MAN2B2: variants seen among roughly 807,000 people sequenced by gnomAD.
MAN2B2 encodes epididymis-specific alpha-mannosidase.
A neutral mutation model predicts 117.1 loss-of-function variants in MAN2B2; 106 were observed. That is an observed-to-expected ratio of 0.90 (90% CI 0.77 to 1.06). The LOEUF is 1.06. Ranked by LOEUF, MAN2B2 falls within the 50% of genes least tolerant of loss-of-function variation. The pLI is 0.00. For missense variants in MAN2B2, 1,326 were observed against 1,381.4 expected (o/e 0.96, Z 0.64); for synonymous variants, 544 against 595.1 (o/e 0.91, Z 1.25).
rs1249727688 is a variant in MAN2B2 at position 6,575,259 on chromosome 4, C to A, written c.49C>A (p.Arg17=). The stretch of plus-strand genomic sequence containing the variant: ...GCTGCTGGCACCGCTCCTGTTGCTG[C>A]GACCGCCAGGGGTCCAGTCCGCCGG... ...LPLLAPLLLL[R]PPGVQSAGPI... Residue 17 remains arginine, a synonymous_variant, in exon 1 of 19, where the codon CGA becomes AGA. Coordinates refer to ENST00000285599, the MANE Select transcript of MAN2B2 (RefSeq NM_015274.3). The A allele has an allele frequency of 2.6e-6, 4 of 1,548,494 alleles. No individual in the cohort carries two copies. Among genetic ancestry groups the A allele is most frequent in the Non-Finnish European group, 3.5e-6 (4 of 1,152,638 alleles).
At chr4:6,593,753 C>T (rs114353106) in intron 6 of MAN2B2, among the ~76,000 whole-genome samples, 2 of 152,242 alleles carry the variant, frequency 1.3e-5, no homozygotes, top group African/African-American at 4.8e-5. Flanking sequence ...TCGTGGCCAT[C>T]GTCACAGCTA....
intron 3 of MAN2B2, among the ~76,000 whole-genome samples, chr4:6,586,492 C>A (rs1726637283): frequency 1.3e-5 from 2 of 152,178 alleles, no homozygotes; most frequent in Admixed American, 1.3e-4. Context: ...AAATCCTCAC[C>A]CCTGCACGTG....
chr4:6,586,944 G>C, intron 3 of MAN2B2, 52 bp from the exon 4 acceptor site: 1 of 1,566,488 alleles, frequency 6.4e-7, no homozygotes, highest in Non-Finnish European at 8.7e-7. Flanking sequence ...GATGGGGCCG[G>C]GAGGCACAGG....
At chr4:6,589,234 T>G in intron 5 of MAN2B2, 74 bp downstream of exon 5, 1 of 1,154,512 alleles carries the variant, frequency 8.7e-7, no homozygotes, top group Non-Finnish European at 1.3e-6. Context: ...TGTTCTGCAG[T>G]TTTGTTTTTG....
chr4:6,579,571 A>G (rs1726347907), intron 3 of MAN2B2, among the ~76,000 whole-genome samples: 1 of 149,350 alleles, frequency 6.7e-6, no homozygotes, highest in South Asian at 2.1e-4. Context: ...CATTACTACC[A>G]CTACCATCAC....
rs1396738213 is a variant in MAN2B2 at position 6,598,312 on chromosome 4, C to G, written c.1363C>G (p.Leu455Val). ...GCGCAAGCTGATGGCCTCCATCGTCCTAGATGAGCTCCAGCCCCAGGCACC... is the reference window on the plus strand; with the variant it reads ...GCGCAAGCTGATGGCCTCCATCGTCGTAGATGAGCTCCAGCCCCAGGCACC... ...GMRKLMASIV[L>V]DELQPQAPMA... The change falls in exon 9 of 19, where the codon CTA becomes GTA. Residue 455 changes from leucine (L) to valine (V), a missense_variant. By Grantham distance (32) the Leu-to-Val change is conservative. Transcript: ENST00000285599. 4 of 1,613,356 alleles carry G rather than the reference C, an allele frequency of 2.5e-6. No individual in the cohort carries two copies. Among genetic ancestry groups the G allele is most frequent in the Non-Finnish European group, 3.4e-6 (4 of 1,180,012 alleles).
chr4:6,585,154 G>A (rs1363534042), intron 3 of MAN2B2, among the ~76,000 whole-genome samples: 2 of 151,908 alleles, frequency 1.3e-5, no homozygotes, highest in South Asian at 4.2e-4. Flanking sequence ...CCTCTGCTGT[G>A]CACCTGATGC....
chr4:6,611,219 G>C lies in MAN2B2; in HGVS notation c.2504G>C (p.Arg835Pro), dbSNP rs149381083. Residue 835 changes from arginine (R) to proline (P), a missense_variant, in exon 15 of 19, where the codon CGC (arginine) becomes CCC (proline). Arg to Pro is a moderately radical substitution (Grantham distance 103). Coordinates refer to ENST00000285599, the MANE Select transcript of MAN2B2 (RefSeq NM_015274.3). ...TCCTGGTCCCTCACCACTGCCCTGCGCCAGAGGAGCGCACTGGCGCTGCAG... is the reference window on the plus strand; with the variant it reads ...TCCTGGTCCCTCACCACTGCCCTGCCCCAGAGGAGCGCACTGGCGCTGCAG... ...LGSWSLTTAL[R>P]QRSALALQHR... The C allele has an allele frequency of 3.1e-6, 5 of 1,613,682 alleles. No individual in the cohort carries two copies. The Admixed American group carries it at 8.3e-5, about 27-fold the overall frequency.
chr4:6,589,215 C>T, intron 5 of MAN2B2, 55 bp downstream of exon 5: 1 of 1,334,806 alleles, frequency 7.5e-7, no homozygotes, highest in South Asian at 1.2e-5. Context: ...TCTGCCCAGC[C>T]CCTGCAGCTG....
chr4:6,611,390 GA>G, intron 15 of MAN2B2, 112 bp downstream of exon 15: 1 of 1,138,586 alleles, frequency 8.8e-7, no homozygotes, highest in East Asian at 2.6e-5. Flanking sequence ...TTTTGGGCAG[GA>G]AGCGACCTCA....
Position 6,598,301 on chromosome 4 carries a change from C to T in MAN2B2, c.1352C>T (p.Ala451Val). ...ATGCTGGGCATGCGCAAGCTGATGG[C>T]CTCCATCGTCCTAGATGAGCTCCAG... ...SGMLGMRKLM[A>V]SIVLDELQPQ... Residue 451 changes from alanine to valine, a missense_variant, in exon 9 of 19, where the codon GCC becomes GTC. Transcript: ENST00000285599. 5 of 1,613,552 alleles carry T rather than the reference C, an allele frequency of 3.1e-6. No homozygotes were observed. Among genetic ancestry groups the T allele is most frequent in the Non-Finnish European group, 4.2e-6 (5 of 1,180,022 alleles).
At chr4:6,610,404 G>A (rs139213588) in intron 13 of MAN2B2, among the ~76,000 whole-genome samples, 102 of 152,222 alleles carry the variant, frequency 6.7e-4, no homozygotes, top group African/African-American at 2.3e-3. Flanking sequence ...TGATCCACCC[G>A]CCTCAGCCTC....
intron 17 of MAN2B2, chr4:6,618,950 C>G (rs1327412261): frequency 6.6e-6 from 1 of 152,222 alleles, no homozygotes; most frequent in Non-Finnish European, 1.5e-5. Context: ...GTGCCCAGCA[C>G]AGGGCCAGCC....
intron 16 of MAN2B2, among the ~76,000 whole-genome samples, 172 bp downstream of exon 16, chr4:6,614,527 A>G (rs1049874362): frequency 6.6e-6 from 1 of 152,146 alleles, no homozygotes; most frequent in African/African-American, 2.4e-5. Context: ...GTCAGTGATC[A>G]GTCACTTGGC....
chr4:6,579,340 CCAT>C lies in MAN2B2; in HGVS notation c.391+845_391+847del, dbSNP rs1372526894. ...ACCATCACCACCACCACCACCACCA[CCAT>C]CACCATCACCACCACCATCACCATC... On this transcript the variant is annotated intron_variant, in intron 3 of 18. Coordinates refer to ENST00000285599, the MANE Select transcript of MAN2B2 (RefSeq NM_015274.3). 2.0e-3 allele frequency among the ~76,000 whole-genome samples: 164 copies of C among 80,582 alleles called. 5 individuals are homozygous for C. Among genetic ancestry groups the C allele is most frequent in the African/African-American group, 6.6e-3 (145 of 21,958 alleles). 52.9% of individuals were successfully genotyped at this position (80,582 alleles called of 152,430 possible).
At position 6,617,439 on chromosome 4, in the gene MAN2B2, T is replaced by G. The variant is rs756253293; in HGVS notation, c.2761T>G (p.Tyr921Asp). ...RRVLLRLYHL[Y>D]EVGEDPVLSQ... The stretch of plus-strand genomic sequence containing the variant: ...TGTCCTGCTGCGGCTCTACCACCTA[T>G]ATGAAGTGGGCGAGGACCCAGTCCT... Residue 921 changes from tyrosine to aspartate, a missense_variant, in exon 17 of 19, where the codon TAT (tyrosine) becomes GAT (aspartate). Tyr to Asp is a radical substitution (Grantham distance 160). Coordinates refer to ENST00000285599, the MANE Select transcript of MAN2B2 (RefSeq NM_015274.3). The G allele has an allele frequency of 1.8e-5, 29 of 1,614,010 alleles. No homozygotes were observed. The Admixed American group carries it at 4.8e-4, about 27-fold the overall frequency.
chr4:6,579,164 A>AG, intron 3 of MAN2B2, among the ~76,000 whole-genome samples: 1 of 95,352 alleles, frequency 1.0e-5, no homozygotes, highest in South Asian at 4.3e-4. Flanking sequence ...CACCATCACC[A>AG]CCACCACCAC....
At chr4:6,599,412 C>T (rs1727232149) in intron 9 of MAN2B2, among the ~76,000 whole-genome samples, 1 of 152,108 alleles carries the variant, frequency 6.6e-6, no homozygotes, top group Non-Finnish European at 1.5e-5. Context: ...CCTGTAATCC[C>T]AGCACTTTGG....
chr4:6,612,441 A>T (rs10937748), intron 15 of MAN2B2, among the ~76,000 whole-genome samples: 1 of 152,102 alleles, frequency 6.6e-6, no homozygotes, highest in Non-Finnish European at 1.5e-5. Flanking sequence ...TGGAAGTAAC[A>T]GAGCCTGAAG....
Sources: allele counts gnomAD v4.1 joint callset (sites outside exome capture counted in the v4.1 genomes callset), GRCh38; gene constraint gnomAD v4.1.1; transcripts MANE v1.5; gene names NCBI Gene and HGNC (gene_info 2026-07-23, HGNC 2026-07-21).